EEF1AKMT2: variants seen among roughly 807,000 people sequenced by gnomAD.
EEF1AKMT2 encodes the protein EEF1A lysine methyltransferase 2.
EEF1AKMT2 carries 32 observed loss-of-function variants against 35.8 expected under a neutral mutation model. The observed-to-expected ratio is 0.89, with a 90% CI of 0.67 to 1.20. EEF1AKMT2 has a LOEUF of 1.20. Among genes scored for constraint, EEF1AKMT2 ranks in the 50% most tolerant of loss-of-function variants. EEF1AKMT2 has a pLI of 0.00. For missense variants in EEF1AKMT2, 330 were observed against 347.5 expected (o/e 0.95, Z 0.40); for synonymous variants, 121 against 133.7 (o/e 0.91, Z 0.65).
chr10:124,774,632 T>G (rs1950472552), intron 4 of EEF1AKMT2, 43 bp downstream of exon 4: 1 of 1,029,682 alleles, frequency 9.7e-7, no homozygotes, highest in African/African-American at 1.7e-5. Context: ...TAGAAACATT[T>G]AACCTCTATT....
chr10:124,770,348 C>T (rs570493606), intron 4 of EEF1AKMT2, among the ~76,000 whole-genome samples: 211 of 152,170 alleles, frequency 1.4e-3, no homozygotes, highest in African/African-American at 4.4e-3. Context: ...ACCCAGGAGG[C>T]GGAAGTTGCA....
intron 3 of EEF1AKMT2, among the ~76,000 whole-genome samples, chr10:124,786,303 G>A (rs985043246): frequency 3.9e-5 from 6 of 151,954 alleles, no homozygotes; most frequent in African/African-American, 1.5e-4. Context: ...TCAGGAGATC[G>A]AGACCATCCC....
intron 3 of EEF1AKMT2, among the ~76,000 whole-genome samples, chr10:124,779,228 C>G (rs1481797614): frequency 6.6e-6 from 1 of 152,096 alleles, no homozygotes; most frequent in Non-Finnish European, 1.5e-5. Flanking sequence ...CCTCCCCAGG[C>G]TCAAGCGATT....
intron 3 of EEF1AKMT2, among the ~76,000 whole-genome samples, chr10:124,784,786 C>T (rs150179481): frequency 1.3e-5 from 2 of 151,978 alleles, no homozygotes; most frequent in African/African-American, 4.8e-5. Context: ...CAAAAATTAG[C>T]GGGGCATGGT....
In EEF1AKMT2 at chr10:124,764,910, C is replaced by T. The variant is rs114795191; in HGVS notation, c.616+482G>A. Among the ~76,000 whole-genome samples, 39 of 152,214 alleles carry T rather than the reference C, an allele frequency of 2.6e-4. No homozygotes were observed. The East Asian group carries it at 5.4e-3, about 21-fold the overall frequency. On this transcript the variant is annotated intron_variant, in intron 5 of 6. Transcript: ENST00000368836. The stretch of plus-strand genomic sequence containing the variant: ...TCAAATAGAGAACTTAAGTTTTTCT[C>T]TTTTTTTGTTTAGATGTGTCTCACT...
chr10:124,786,303 G>C (rs985043246), intron 3 of EEF1AKMT2, among the ~76,000 whole-genome samples: 3 of 151,954 alleles, frequency 2.0e-5, no homozygotes, highest in African/African-American at 7.3e-5. Context: ...TCAGGAGATC[G>C]AGACCATCCC....
chr10:124,771,105 C>CT (rs34982773), intron 4 of EEF1AKMT2, among the ~76,000 whole-genome samples: 3,585 of 145,360 alleles, frequency 0.025, 136 homozygotes, highest in African/African-American at 0.08. Flanking sequence ...TTTCTTTTTT[C>CT]TTTTTTTTTT....
chr10:124,763,470 G>A (rs1210082343), intron 5 of EEF1AKMT2, among the ~76,000 whole-genome samples: 2 of 152,134 alleles, frequency 1.3e-5, no homozygotes, highest in Non-Finnish European at 2.9e-5. Context: ...TGGCAGTGAC[G>A]CAAGGCAGTG....
chr10:124,789,420 G>GT (rs1388967669), intron 2 of EEF1AKMT2, among the ~76,000 whole-genome samples: 3 of 152,196 alleles, frequency 2.0e-5, no homozygotes, highest in Non-Finnish European at 2.9e-5. Flanking sequence ...GAATTTTATT[G>GT]TTTATTGACA....
At chr10:124,770,457 C>A (rs1404027868) in intron 4 of EEF1AKMT2, among the ~76,000 whole-genome samples, 2 of 152,104 alleles carry the variant, frequency 1.3e-5, no homozygotes, top group African/African-American at 4.8e-5. Flanking sequence ...CACTAACAAG[C>A]CATCATCGAA....
intron 3 of EEF1AKMT2, among the ~76,000 whole-genome samples, chr10:124,778,028 C>G (rs1314891013): frequency 1.3e-5 from 2 of 152,028 alleles, no homozygotes; most frequent in African/African-American, 4.8e-5. Flanking sequence ...CCCATCTCTA[C>G]TAAACACACA....
chr10:124,784,310 T>C (rs1178339516), intron 3 of EEF1AKMT2, among the ~76,000 whole-genome samples: 1 of 151,664 alleles, frequency 6.6e-6, no homozygotes, highest in Non-Finnish European at 1.5e-5. Context: ...CCCAAAAACA[T>C]GGAAATTAAA....
intron 3 of EEF1AKMT2, among the ~76,000 whole-genome samples, chr10:124,778,219 T>C (rs1318756246): frequency 6.6e-6 from 1 of 151,494 alleles, no homozygotes. Context: ...CACACATACA[T>C]ACACACAAAC....
At chr10:124,791,277 G>C (rs1950632030) in intron 1 of EEF1AKMT2, among the ~76,000 whole-genome samples, 2 of 151,768 alleles carry the variant, frequency 1.3e-5, no homozygotes, top group Admixed American at 1.3e-4. Flanking sequence ...CTCCCGCCTC[G>C]GGTCATCCGC....
At position 124,791,729 on chromosome 10, in the gene EEF1AKMT2, G is replaced by A; in HGVS notation, c.105C>T (p.Arg35=). The change falls in exon 1 of 7, where the codon CGC becomes CGT. Residue 35 remains arginine, a synonymous_variant. Coordinates refer to ENST00000368836, the MANE Select transcript of EEF1AKMT2 (RefSeq NM_212554.4). ...DGFVPSALGT[R]EHWDAVYERE... ...CTGCCCAGCGTCACACTCACTGCTCGCGGGTCCCCAGCGCCGACGGGACGA... is the reference window on the plus strand; with the variant it reads ...CTGCCCAGCGTCACACTCACTGCTCACGGGTCCCCAGCGCCGACGGGACGA... The A allele has an allele frequency of 6.3e-7, 1 of 1,584,446 alleles. No individual in the cohort carries two copies. The highest frequency in any genetic ancestry group is 8.5e-7 in the Non-Finnish European group (1 of 1,169,822).
At chr10:124,778,171 G>C (rs1950505013) in intron 3 of EEF1AKMT2, among the ~76,000 whole-genome samples, 1 of 150,890 alleles carries the variant, frequency 6.6e-6, no homozygotes, top group Non-Finnish European at 1.5e-5. Context: ...TGTATGTATA[G>C]ACAATTTTAA....
intron 3 of EEF1AKMT2, among the ~76,000 whole-genome samples, chr10:124,783,389 C>T (rs1273037325): frequency 1.3e-5 from 2 of 152,050 alleles, no homozygotes; most frequent in Non-Finnish European, 2.9e-5. Context: ...AGTGATCCAC[C>T]GGCCTTGGCC....
chr10:124,791,860 G>C lies in EEF1AKMT2; in HGVS notation c.-27C>G, dbSNP rs1024484440. Reference sequence around the variant, plus strand: ...TCGCTCCACGTCCTGGACGGCCGTTGGGGCCGCCATAGAGACGGGGCACAG... The same window carrying C: ...TCGCTCCACGTCCTGGACGGCCGTTCGGGCCGCCATAGAGACGGGGCACAG... On this transcript the variant is annotated 5_prime_UTR_variant, in exon 1 of 7. Transcript: ENST00000368836. 1.9e-6 allele frequency: 3 copies of C among 1,543,088 alleles called. No individual in the cohort carries two copies. In the Admixed American group the frequency reaches 5.7e-5, roughly 29 times the overall value.
chr10:124,780,983 G>C (rs1950534564), intron 3 of EEF1AKMT2, among the ~76,000 whole-genome samples: 1 of 151,614 alleles, frequency 6.6e-6, no homozygotes. Flanking sequence ...GTCTTGCTCT[G>C]CTGCCAAGCT....
Sources: allele counts gnomAD v4.1 joint callset (sites outside exome capture counted in the v4.1 genomes callset), GRCh38; gene constraint gnomAD v4.1.1; transcripts MANE v1.5; gene names NCBI Gene and HGNC (gene_info 2026-07-23, HGNC 2026-07-21).